Variants in FAM227B observed in about 807,000 individuals in gnomAD.
The protein encoded by FAM227B is family with sequence similarity 227 member B.
FAM227B carries 88 observed loss-of-function variants against 73.8 expected under a neutral mutation model. The ratio of observed to expected loss-of-function variants is 1.19; its 90% CI spans 1.00 to 1.42. FAM227B has a LOEUF of 1.42. FAM227B is among the 40% of genes most tolerant of loss of function. FAM227B has a pLI of 0.00. For missense variants in FAM227B, 632 were observed against 590.9 expected (o/e 1.07, Z -0.72); for synonymous variants, 210 against 190.5 (o/e 1.10, Z -0.84).
At chr15:49,607,826 A>G (rs1028037975) in intron 3 of FAM227B, among the ~76,000 whole-genome samples, 9 of 152,174 alleles carry the variant, frequency 5.9e-5, no homozygotes, top group African/African-American at 2.2e-4. Context: ...ATACCAGATG[A>G]TTATCTTGGA....
chr15:49,573,112 T>G (rs187730898), intron 8 of FAM227B, among the ~76,000 whole-genome samples: 4 of 152,216 alleles, frequency 2.6e-5, no homozygotes, highest in Non-Finnish European at 5.9e-5. Context: ...TTTAGTTATA[T>G]CTCACACATT....
intron 11 of FAM227B, among the ~76,000 whole-genome samples, chr15:49,489,857 ATTT>A (rs368097700): frequency 0.29 from 4,104 of 14,032 alleles, 699 homozygotes; most frequent in Non-Finnish European, 0.44. Context: ...ATATATATAT[ATTT>A]TATATATATA....
intron 10 of FAM227B, among the ~76,000 whole-genome samples, chr15:49,535,843 G>C (rs1390919960): frequency 1.3e-5 from 2 of 151,636 alleles, no homozygotes; most frequent in Admixed American, 1.3e-4. Context: ...TGCAAAAAAA[G>C]CATTTGATAA....
At chr15:49,562,679 A>G (rs565588294) in intron 9 of FAM227B, among the ~76,000 whole-genome samples, 1 of 152,326 alleles carries the variant, frequency 6.6e-6, no homozygotes, top group Admixed American at 6.5e-5. Flanking sequence ...TATTCCTGTG[A>G]TGCAAGGTTG....
At chr15:49,538,586 T>G (rs1418578303) in intron 10 of FAM227B, among the ~76,000 whole-genome samples, 2 of 152,108 alleles carry the variant, frequency 1.3e-5, no homozygotes, top group African/African-American at 2.4e-5. Flanking sequence ...TCTGAAAAGG[T>G]TGCAATGTAA....
intron 3 of FAM227B, among the ~76,000 whole-genome samples, chr15:49,593,624 G>T (rs2076715322): frequency 6.6e-6 from 1 of 151,026 alleles, no homozygotes; most frequent in Non-Finnish European, 1.5e-5. Flanking sequence ...AAAGTCCACT[G>T]TAACATTCTT....
Position 49,570,123 on chromosome 15 carries a change from G to T in FAM227B, c.646-1777C>A, listed in dbSNP as rs529786481. ...AATAGAGTTATGTATTTGACATATTGATTTCAATTTCTTTGGATGTATATC... is the reference window on the plus strand; with the variant it reads ...AATAGAGTTATGTATTTGACATATTTATTTCAATTTCTTTGGATGTATATC... On this transcript the variant is annotated intron_variant, in intron 8 of 15. Coordinates refer to ENST00000299338, the MANE Select transcript of FAM227B (RefSeq NM_152647.3). Among the ~76,000 whole-genome samples, 4 of 152,112 alleles carry T rather than the reference G, an allele frequency of 2.6e-5. No homozygotes were observed. The South Asian group carries it at 8.3e-4, about 32-fold the overall frequency.
At chr15:49,588,591 ATATATAT>A (rs2076330441) in intron 4 of FAM227B, among the ~76,000 whole-genome samples, 1 of 103,764 alleles carries the variant, frequency 9.6e-6, no homozygotes, top group African/African-American at 3.6e-5. Context: ...ATATATATAT[ATATATAT>A]ATAAAATTAC....
At chr15:49,454,713 G>A (rs911491847) in intron 11 of FAM227B, among the ~76,000 whole-genome samples, 1 of 152,098 alleles carries the variant, frequency 6.6e-6, no homozygotes, top group African/African-American at 2.4e-5. Flanking sequence ...GAATTCAAGC[G>A]ATTCTCCTGC....
intron 11 of FAM227B, among the ~76,000 whole-genome samples, chr15:49,427,359 T>C (rs1036657292): frequency 3.9e-5 from 6 of 151,998 alleles, no homozygotes; most frequent in African/African-American, 1.4e-4. Context: ...TTCATTAAAA[T>C]GAGAGAAAAA....
chr15:49,379,229 C>T (rs1042179235), intron 11 of FAM227B, among the ~76,000 whole-genome samples: 6 of 152,130 alleles, frequency 3.9e-5, no homozygotes, highest in African/African-American at 1.4e-4. Flanking sequence ...AGGGTTTTCA[C>T]ATCAATATTA....
intron 11 of FAM227B, among the ~76,000 whole-genome samples, chr15:49,392,692 C>A (rs998647910): frequency 6.6e-6 from 1 of 152,112 alleles, no homozygotes; most frequent in Non-Finnish European, 1.5e-5. Flanking sequence ...GAACTCAAAT[C>A]TTTGAGGATG....
chr15:49,608,492 A>G (rs991971151), intron 3 of FAM227B, among the ~76,000 whole-genome samples: 9 of 152,098 alleles, frequency 5.9e-5, no homozygotes, highest in Non-Finnish European at 1.2e-4. Flanking sequence ...GAAGTATCAA[A>G]CAGAAGGTAA....
intron 11 of FAM227B, among the ~76,000 whole-genome samples, chr15:49,404,021 A>G (rs2048351019): frequency 6.6e-6 from 1 of 152,066 alleles, no homozygotes; most frequent in South Asian, 2.1e-4. Flanking sequence ...TATTTACCCA[A>G]AAGTTATTTG....
intron 13 of FAM227B, among the ~76,000 whole-genome samples, chr15:49,355,072 C>G (rs898050466): frequency 1.3e-5 from 2 of 150,736 alleles, no homozygotes; most frequent in African/African-American, 4.9e-5. Flanking sequence ...AGGACATCCA[C>G]ACCAAAAACC....
At chr15:49,409,826 T>C (rs1251599552) in intron 11 of FAM227B, among the ~76,000 whole-genome samples, 4 of 152,106 alleles carry the variant, frequency 2.6e-5, no homozygotes, top group Non-Finnish European at 5.9e-5. Flanking sequence ...TATGACTGCA[T>C]TATTTAACTT....
At chr15:49,602,209 G>A (rs1161234068) in intron 3 of FAM227B, among the ~76,000 whole-genome samples, 1 of 152,074 alleles carries the variant, frequency 6.6e-6, no homozygotes, top group East Asian at 1.9e-4. Flanking sequence ...AGATTTTTGA[G>A]GAACCTTCAA....
chr15:49,458,617 A>T (rs886930001), intron 11 of FAM227B, among the ~76,000 whole-genome samples: 1 of 152,086 alleles, frequency 6.6e-6, no homozygotes, highest in Non-Finnish European at 1.5e-5. Flanking sequence ...AATCAGAGGG[A>T]ACTTTATGTT....
At chr15:49,494,256 A>C (rs200751799) in intron 11 of FAM227B, among the ~76,000 whole-genome samples, 4 of 140,604 alleles carry the variant, frequency 2.8e-5, no homozygotes, top group South Asian at 2.4e-4. Context: ...GAGACACACA[A>C]ACACACACAC....
Sources: allele counts gnomAD v4.1 joint callset (sites outside exome capture counted in the v4.1 genomes callset), GRCh38; gene constraint gnomAD v4.1.1; transcripts MANE v1.5; gene names NCBI Gene and HGNC (gene_info 2026-07-23, HGNC 2026-07-21).